LIPK: variants seen among roughly 807,000 people sequenced by gnomAD.
LIPK encodes lipase family member K.
Under a neutral mutation model 48.6 loss-of-function variants are expected in LIPK, and 32 were observed. That is an observed-to-expected ratio of 0.66 (90% CI 0.50 to 0.88). The LOEUF (loss-of-function observed/expected upper bound fraction) is 0.88. Among genes scored for constraint, LIPK ranks in the 40% least tolerant of loss-of-function variants. The pLI, the probability that LIPK is intolerant of heterozygous loss-of-function variation, is 0.00. For missense variants in LIPK, 507 were observed against 478.5 expected (o/e 1.06, Z -0.56); for synonymous variants, 164 against 157.4 (o/e 1.04, Z -0.32).
chr10:88,727,896 G>A (rs1842377104), intron 3 of LIPK: 2 of 369,872 alleles, frequency 5.4e-6, no homozygotes, highest in Admixed American at 2.9e-5. Context: ...GAGACCATGT[G>A]GAGCCTGCAG....
chr10:88,745,467 G>C (rs761798556), intron 9 of LIPK, among the ~76,000 whole-genome samples: 2 of 152,078 alleles, frequency 1.3e-5, no homozygotes, highest in Non-Finnish European at 2.9e-5. Context: ...AAGAGATTAC[G>C]GGCTTGTATT....
At position 88,724,488 on chromosome 10, in the gene LIPK, T is replaced by C. The variant is rs2134715829; in HGVS notation, c.-11-45T>C. The stretch of plus-strand genomic sequence containing the variant: ...AAAGATTACACCAAATTTCACTTCG[T>C]AGAATTTATCTTTGATGACAAATAT... On this transcript the variant is annotated intron_variant, in intron 1 of 9. Coordinates refer to ENST00000404190, the MANE Select transcript of LIPK (RefSeq NM_001080518.2). 4.2e-6 allele frequency: 5 copies of C among 1,190,030 alleles called. No homozygotes were observed. In the South Asian group the frequency reaches 6.9e-5, roughly 16 times the overall value. The allele number at this position is 1,190,030 out of a possible 1,614,324, so 73.7% of individuals were successfully genotyped here. A position where few individuals can be genotyped will look rare whatever the true frequency, so the allele number is the denominator to read the frequency against.
chr10:88,711,553 A>G (rs1005973166), intron 1 of LIPK, among the ~76,000 whole-genome samples: 1 of 152,034 alleles, frequency 6.6e-6, no homozygotes, highest in Non-Finnish European at 1.5e-5. Flanking sequence ...GCTCACTGCA[A>G]CCTCCACCTC....
chr10:88,731,173 G>T lies in LIPK; in HGVS notation c.414G>T (p.Trp138Cys). 6.4e-7 allele frequency: 1 copy of T among 1,558,052 alleles called. No homozygotes were observed. The highest frequency in any genetic ancestry group is 8.7e-7 in the Non-Finnish European group (1 of 1,155,504). The change falls in exon 4 of 10, where the codon TGG (tryptophan) becomes TGT (cysteine). Residue 138 changes from tryptophan (W) to cysteine (C), a missense_variant. Physicochemically the swap from Trp to Cys is radical, Grantham distance 215. Coordinates refer to ENST00000404190, the MANE Select transcript of LIPK (RefSeq NM_001080518.2). ...LKLSPKSPEY[W>C]AFSLDEMAKY... The stretch of plus-strand genomic sequence containing the variant: ...TGTCACCGAAATCACCGGAATACTG[G>T]GCCTTCAGGTAAAGAGAAACCTATT...
At chr10:88,750,553 A>T (rs913775643) in intron 9 of LIPK, among the ~76,000 whole-genome samples, 1 of 152,212 alleles carries the variant, frequency 6.6e-6, no homozygotes, top group Non-Finnish European at 1.5e-5. Context: ...ACAGGCACAG[A>T]AAACCAAATA....
chr10:88,729,252 T>TTTGGGG (rs1554955616), intron 3 of LIPK, among the ~76,000 whole-genome samples: 1 of 40,200 alleles, frequency 2.5e-5, no homozygotes, highest in Non-Finnish European at 4.0e-5. Flanking sequence ...GGCTATCTGT[T>TTTGGGG]GGGGGGGGGG....
chr10:88,742,657 A>T (rs17349080), intron 8 of LIPK, among the ~76,000 whole-genome samples: 7,801 of 152,278 alleles, frequency 0.051, 237 homozygotes, highest in African/African-American at 0.07. Flanking sequence ...TGGCTACATT[A>T]TGCACATCAC....
chr10:88,717,685 A>G (rs1842146065), intron 1 of LIPK, among the ~76,000 whole-genome samples: 1 of 152,218 alleles, frequency 6.6e-6, no homozygotes, highest in South Asian at 2.1e-4. Flanking sequence ...ATCTACAGAC[A>G]AAAATAAGCT....
chr10:88,748,616 CA>C (rs56692405), intron 9 of LIPK, among the ~76,000 whole-genome samples: 312 of 106,564 alleles, frequency 2.9e-3, no homozygotes, highest in South Asian at 7.8e-3. Flanking sequence ...GACTCCGTCT[CA>C]AAAAAAAAAA....
intron 1 of LIPK, among the ~76,000 whole-genome samples, chr10:88,722,882 C>CTTTTTTATT (rs1262882913): frequency 2.2e-5 from 1 of 46,028 alleles, no homozygotes; most frequent in Non-Finnish European, 3.3e-5. Flanking sequence ...TTCTTCTTTT[C>CTTTTTTATT]TTTTTTCTTT....
chr10:88,727,976 A>G, intron 3 of LIPK: 1 of 345,454 alleles, frequency 2.9e-6, no homozygotes, highest in South Asian at 2.7e-5. Context: ...CGGCAGCTGG[A>G]CACATGGGAC....
intron 9 of LIPK, among the ~76,000 whole-genome samples, chr10:88,750,565 C>A (rs1842846555): frequency 6.6e-6 from 1 of 152,094 alleles, no homozygotes; most frequent in Non-Finnish European, 1.5e-5. Context: ...AACCAAATAT[C>A]ACATGCTCTC....
intron 9 of LIPK, among the ~76,000 whole-genome samples, chr10:88,745,446 C>T (rs1842750411): frequency 6.6e-6 from 1 of 152,118 alleles, no homozygotes; most frequent in Non-Finnish European, 1.5e-5. Flanking sequence ...AGCAGAAACC[C>T]TACAAGCCAG....
intron 9 of LIPK, 72 bp from the exon 10 acceptor site, chr10:88,752,445 C>A: frequency 9.0e-7 from 1 of 1,106,136 alleles, no homozygotes; most frequent in Non-Finnish European, 1.3e-6. Flanking sequence ...TGCTCAACAG[C>A]TGACAGTTAA....
intron 1 of LIPK, among the ~76,000 whole-genome samples, chr10:88,715,948 C>T (rs1056564794): frequency 1.5e-4 from 23 of 152,028 alleles, no homozygotes; most frequent in Admixed American, 6.6e-5. Flanking sequence ...TGACTGAAAA[C>T]AATTGACTTG....
intron 9 of LIPK, among the ~76,000 whole-genome samples, chr10:88,747,568 C>T (rs1842786773): frequency 6.6e-6 from 1 of 152,032 alleles, no homozygotes; most frequent in Admixed American, 6.6e-5. Context: ...AATTCCACAT[C>T]CCTTCATGTT....
intron 5 of LIPK, 35 bp from the exon 6 acceptor site, chr10:88,732,380 T>A: frequency 6.3e-7 from 1 of 1,597,564 alleles, no homozygotes; most frequent in Non-Finnish European, 8.5e-7. Context: ...AATAATTATC[T>A]GAAAACTATG....
intron 1 of LIPK, 59 bp from the exon 2 acceptor site, chr10:88,724,474 C>A (rs937914602): frequency 1.9e-6 from 2 of 1,038,424 alleles, no homozygotes; most frequent in Admixed American, 2.4e-5. Context: ...AAGATTACAC[C>A]AAATTTCACT....
rs192394704 is a variant in LIPK, at chr10:88,739,992, G to T, written c.817-4G>T. The T allele has an allele frequency of 1.3e-3, 2,164 of 1,607,696 alleles. 26 individuals are homozygous for T. The East Asian group carries it at 0.015, about 11-fold the overall frequency. On this transcript the variant is annotated splice_region_variant and splice_polypyrimidine_tract_variant and intron_variant, in intron 7 of 9. Transcript: ENST00000404190. ...CCTCTAGATGAGAAGTAATCTCTTTGCAGAGTCGCTTGGATGTTTATTTGT... is the reference window on the plus strand; with the variant it reads ...CCTCTAGATGAGAAGTAATCTCTTTTCAGAGTCGCTTGGATGTTTATTTGT...
Sources: gnomAD v4.1 joint callset for allele counts (sites outside exome capture counted in the v4.1 genomes callset) on GRCh38, gnomAD v4.1.1 for gene constraint, MANE v1.5 for transcripts, NCBI Gene and HGNC (gene_info 2026-07-23, HGNC 2026-07-21) for gene names.